The following PARD3B variants were observed in gnomAD, a reference collection of about 807,000 sequenced individuals.
PARD3B encodes the protein partitioning defective 3 homolog B.
Under a neutral mutation model 130.2 loss-of-function variants are expected in PARD3B, and 103 were observed. The ratio of observed to expected loss-of-function variants is 0.79; its 90% confidence interval spans 0.67 to 0.93. The LOEUF (loss-of-function observed/expected upper bound fraction) is 0.93. Among genes scored for constraint, PARD3B ranks in the 40% least tolerant of loss-of-function variants. The pLI, the probability that PARD3B is intolerant of heterozygous loss-of-function variation, is 0.00. For missense variants in PARD3B, 1,609 were observed against 1,499.2 expected (o/e 1.07, Z -1.21); for synonymous variants, 583 against 553.2 (o/e 1.05, Z -0.76).
intron 22 of PARD3B, among the ~76,000 whole-genome samples, chr2:205,573,058 T>TA (rs2053614292): frequency 6.6e-6 from 1 of 152,088 alleles, no homozygotes; most frequent in African/African-American, 2.4e-5. Flanking sequence ...AAAAGCCCCT[T>TA]ATAAAACCAT....
intron 19 of PARD3B, among the ~76,000 whole-genome samples, chr2:205,419,916 CA>C (rs1246750736): frequency 1.3e-5 from 2 of 151,006 alleles, no homozygotes; most frequent in Non-Finnish European, 3.0e-5. Context: ...CCTCCCTCTT[CA>C]AAAAAAAATC....
intron 10 of PARD3B, among the ~76,000 whole-genome samples, chr2:205,135,625 A>G (rs1327189826): frequency 6.6e-6 from 1 of 151,864 alleles, no homozygotes; most frequent in Non-Finnish European, 1.5e-5. Flanking sequence ...ACACTTAAAT[A>G]ACAATCTGTT....
intron 1 of PARD3B, among the ~76,000 whole-genome samples, chr2:204,663,271 A>C (rs1437705379): frequency 6.6e-6 from 1 of 152,088 alleles, no homozygotes; most frequent in African/African-American, 2.4e-5. Context: ...CGGCTTCCTG[A>C]GGTTCCCTAT....
intron 16 of PARD3B, among the ~76,000 whole-genome samples, chr2:205,252,849 CCA>C (rs1559590015): frequency 7.2e-5 from 8 of 110,352 alleles, no homozygotes; most frequent in Non-Finnish European, 1.2e-4. Context: ...CCCCCCCCCC[CCA>C]CCAAAAAAAA....
At position 205,483,083 on chromosome 2, in the gene PARD3B, T is replaced by A. The variant is rs537141267; in HGVS notation, c.3045-16813T>A. On this transcript the variant is annotated intron_variant, in intron 20 of 22. Transcript: ENST00000406610. Reference sequence around the variant, plus strand: ...CATTGTGTGTCCATGGGCACATGCCTTCAAATTCAAGTGCATGCCTCTCTC... The same window carrying A: ...CATTGTGTGTCCATGGGCACATGCCATCAAATTCAAGTGCATGCCTCTCTC... 9.2e-5 allele frequency among the ~76,000 whole-genome samples: 14 copies of A among 152,272 alleles called. No homozygotes were observed. The East Asian group carries it at 2.7e-3, about 29-fold the overall frequency.
intron 18 of PARD3B, among the ~76,000 whole-genome samples, chr2:205,392,074 G>T (rs2045879419): frequency 2.6e-5 from 4 of 152,106 alleles, no homozygotes; most frequent in Non-Finnish European, 5.9e-5. Context: ...GGACCCTCTA[G>T]AATTATTTTT....
intron 2 of PARD3B, among the ~76,000 whole-genome samples, chr2:204,865,498 A>G (rs1339769210): frequency 6.6e-6 from 1 of 152,230 alleles, no homozygotes; most frequent in African/African-American, 2.4e-5. Flanking sequence ...TCTGAATGGA[A>G]TTGGAGACCA....
At chr2:205,482,720 T>A (rs1472468558) in intron 20 of PARD3B, 3 of 152,144 alleles carry the variant, frequency 2.0e-5, no homozygotes, top group Non-Finnish European at 4.4e-5. Context: ...GATTCTTCCC[T>A]GGTAGAAACT....
At chr2:204,821,899 T>A (rs1201224328) in intron 2 of PARD3B, among the ~76,000 whole-genome samples, 2 of 152,150 alleles carry the variant, frequency 1.3e-5, no homozygotes, top group African/African-American at 4.8e-5. Flanking sequence ...AGGTTTGTCT[T>A]TATCAGCAGC....
intron 1 of PARD3B, among the ~76,000 whole-genome samples, chr2:204,663,336 A>T (rs2193448): frequency 0.99 from 150,350 of 152,298 alleles, 74,250 homozygotes; most frequent in Middle Eastern, 1. Flanking sequence ...TAGTGCCATG[A>T]CAGTGAGAAT....
At chr2:205,368,881 A>T (rs1314016990) in intron 18 of PARD3B, among the ~76,000 whole-genome samples, 2 of 151,582 alleles carry the variant, frequency 1.3e-5, no homozygotes, top group Non-Finnish European at 2.9e-5. Flanking sequence ...AAAACACCCC[A>T]TAACGTTGAA....
chr2:205,573,382 C>T (rs2053627494), intron 22 of PARD3B, among the ~76,000 whole-genome samples: 1 of 152,112 alleles, frequency 6.6e-6, no homozygotes, highest in African/African-American at 2.4e-5. Flanking sequence ...TGCCATTCTC[C>T]TCATAGATGA....
chr2:205,172,122 A>G (rs1216396821), intron 11 of PARD3B, 89 bp from the exon 12 acceptor site: 6 of 1,344,132 alleles, frequency 4.5e-6, no homozygotes, highest in East Asian at 2.4e-5. Flanking sequence ...TCTTTTTTTC[A>G]TTTTTAAACT....
chr2:204,706,610 T>C (rs2038173573), intron 2 of PARD3B, among the ~76,000 whole-genome samples: 1 of 151,992 alleles, frequency 6.6e-6, no homozygotes, highest in Non-Finnish European at 1.5e-5. Flanking sequence ...TGAGGAAAGA[T>C]TTTAAGGTAT....
chr2:205,076,434 T>G (rs929755483), intron 4 of PARD3B, among the ~76,000 whole-genome samples: 1 of 152,230 alleles, frequency 6.6e-6, no homozygotes, highest in Admixed American at 6.5e-5. Context: ...AAATGTTATC[T>G]TAAATGTTAA....
chr2:205,380,523 A>ATATATATTATATATACAG (rs1559033652), intron 18 of PARD3B, among the ~76,000 whole-genome samples: 1 of 2,074 alleles, frequency 4.8e-4, no homozygotes, highest in African/African-American at 3.1e-3. Context: ...TATATAAAGA[A>ATATATATTATATATACAG]TATATATTAT....
chr2:204,703,865 G>T (rs985446860), intron 2 of PARD3B, among the ~76,000 whole-genome samples: 2 of 151,940 alleles, frequency 1.3e-5, no homozygotes, highest in Admixed American at 1.3e-4. Flanking sequence ...ACAATGTAGG[G>T]CACATTTCTA....
rs1260758874 is a variant in PARD3B at position 205,078,898 on chromosome 2, C to G, written c.505-25528C>G. On this transcript the variant is annotated intron_variant, in intron 4 of 22. Coordinates refer to ENST00000406610, the MANE Select transcript of PARD3B (RefSeq NM_001302769.2). This position sits in a 1 kb window ranked among gnomAD's most constrained non-coding sequence, Gnocchi z 4.0. The stretch of plus-strand genomic sequence containing the variant: ...TCTAGTTGGCAGCCATGGCAGATCT[C>G]CCAGCTTCCAGCTCGCATCAATGGC... 6.6e-6 allele frequency among the ~76,000 whole-genome samples: 1 copy of G among 152,188 alleles called. No homozygotes were observed. The highest frequency in any genetic ancestry group is 1.5e-5 in the Non-Finnish European group (1 of 68,038).
intron 18 of PARD3B, among the ~76,000 whole-genome samples, chr2:205,368,541 A>C (rs1192157208): frequency 6.6e-6 from 1 of 152,146 alleles, no homozygotes; most frequent in African/African-American, 2.4e-5. Flanking sequence ...CTGAGGCATG[A>C]GAATTGCTTG....
Sources: allele counts gnomAD v4.1 joint callset (sites outside exome capture counted in the v4.1 genomes callset), GRCh38; gene constraint gnomAD v4.1.1; non-coding constraint Gnocchi (gnomAD v3.1); transcripts MANE v1.5; gene names NCBI Gene and HGNC (gene_info 2026-07-23, HGNC 2026-07-21).